Variants in PRR12 observed in about 807,000 individuals in gnomAD.
PRR12 encodes proline-rich protein 12.
In PRR12, 12 loss-of-function variants were observed where a neutral mutation model predicts 138.0. The ratio of observed to expected loss-of-function variants is 0.09; its 90% CI spans 0.06 to 0.14. The LOEUF is 0.14. Ranked by LOEUF, PRR12 falls within the 10% of genes least tolerant of loss-of-function variation. The probability of loss-of-function intolerance (pLI) is 1.00; values close to 1 mark genes in which losing one functional copy is unlikely to be tolerated. For synonymous variants in PRR12, 1,567 were observed against 1,291.7 expected (o/e 1.21, Z -4.57); for missense variants, 2,692 against 2,861.3 (o/e 0.94, Z 1.35).
chr19:49,606,727 A>G (rs559998834), intron 6 of PRR12, among the ~76,000 whole-genome samples: 2 of 144,280 alleles, frequency 1.4e-5, no homozygotes, highest in Non-Finnish European at 3.0e-5. Flanking sequence ...GCTCACTGCA[A>G]CCTCCACCTC....
intron 4 of PRR12, among the ~76,000 whole-genome samples, chr19:49,598,999 C>T (rs986051910): frequency 3.3e-5 from 5 of 152,226 alleles, no homozygotes; most frequent in Non-Finnish European, 4.4e-5. Flanking sequence ...GATGGGCATT[C>T]AGGGATCCTA....
intron 1 of PRR12, among the ~76,000 whole-genome samples, chr19:49,592,931 T>C (rs933705699): frequency 6.6e-6 from 1 of 151,754 alleles, no homozygotes; most frequent in African/African-American, 2.4e-5. Flanking sequence ...CATGTGGACC[T>C]CTGGCGTTGG....
chr19:49,598,125 G>A (rs1886303332), intron 4 of PRR12, 112 bp downstream of exon 4: 1 of 1,165,584 alleles, frequency 8.6e-7, no homozygotes, highest in Non-Finnish European at 1.1e-6. Context: ...CCAGGCTGGA[G>A]TGCAGTGGCA....
At position 49,593,443 on chromosome 19, in the gene PRR12, C is replaced by G; in HGVS notation, c.199+4C>G. On this transcript the variant is annotated splice_donor_region_variant and intron_variant, in intron 2 of 13. Transcript: ENST00000418929. ...GCCACCAACCACCACCCGGCAGGTA[C>G]GGCCCCCATCCCGCCCCGCTTTGGG... is the stretch of plus-strand genomic sequence containing the variant. The G allele has an allele frequency of 2.0e-6, 3 of 1,502,892 alleles. No individual in the cohort carries two copies. The highest frequency in any genetic ancestry group is 1.4e-5 in the African/African-American group (1 of 72,510). The allele number at this position is 1,502,892 out of a possible 1,614,324, so 93.1% of individuals were successfully genotyped here.
Position 49,615,812 on chromosome 19 carries a change from C to T in PRR12, c.5090C>T (p.Pro1697Leu). The T allele has an allele frequency of 6.2e-7, 1 of 1,612,806 alleles. No homozygotes were observed. Among genetic ancestry groups the T allele is most frequent in the Admixed American group, 1.7e-5 (1 of 59,792 alleles). ...GGSSAPPPKA[P>L]APPPKPETPE... Reference sequence around the variant, plus strand: ...AGCTCTGCACCTCCCCCTAAGGCCCCAGCACCACCTCCCAAGCCTGAGACC... The same window carrying T: ...AGCTCTGCACCTCCCCCTAAGGCCCTAGCACCACCTCCCAAGCCTGAGACC... Residue 1697 changes from proline (P) to leucine (L), a missense_variant, in exon 9 of 14, where the codon CCA (proline) becomes CTA (leucine). Physicochemically the swap from Pro to Leu is moderately conservative, Grantham distance 98. Transcript: ENST00000418929.
At chr19:49,604,525 A>G (rs1439348118) in intron 6 of PRR12, among the ~76,000 whole-genome samples, 1 of 151,964 alleles carries the variant, frequency 6.6e-6, no homozygotes, top group Non-Finnish European at 1.5e-5. Flanking sequence ...TAAAAATACA[A>G]CAATTAGCCG....
intron 9 of PRR12, among the ~76,000 whole-genome samples, chr19:49,617,055 C>T (rs982657358): frequency 2.7e-5 from 4 of 150,312 alleles, no homozygotes; most frequent in South Asian, 2.1e-4. Flanking sequence ...CACTTGAACC[C>T]GGGAGGCAGA....
intron 2 of PRR12, among the ~76,000 whole-genome samples, chr19:49,593,896 C>T (rs1028487646): frequency 2.6e-5 from 4 of 152,166 alleles, no homozygotes; most frequent in Non-Finnish European, 5.9e-5. Flanking sequence ...CCTTTGCCTC[C>T]AAGGTTTCTG....
chr19:49,591,834 G>T (rs2080729980), intron 1 of PRR12, 94 bp downstream of exon 1: 2 of 697,462 alleles, frequency 2.9e-6, no homozygotes, highest in African/African-American at 3.8e-5. Flanking sequence ...GGCGACGCGT[G>T]CATCGCAAAC....
intron 9 of PRR12, among the ~76,000 whole-genome samples, chr19:49,619,230 T>TTG (rs1397066432): frequency 4.2e-5 from 6 of 141,936 alleles, no homozygotes; most frequent in Admixed American, 2.8e-4. Flanking sequence ...GTGAGTTTTT[T>TTG]TTTTTTTTTT....
rs1450464668 is a variant in PRR12, at chr19:49,595,442, G to A, written c.1107G>A (p.Gly369=). The A allele has an allele frequency of 6.5e-7, 1 of 1,548,022 alleles. No homozygotes were observed. The highest frequency in any genetic ancestry group is 1.4e-5 in the African/African-American group (1 of 73,134). ...GGGCCACGGGCCCTGAGGCAGCAGG[G>A]GGCGGTGGGGCTGGGGGTGGTGGTG... ...SGRATGPEAA[G]GGGAGGGGGG... The change falls in exon 4 of 14, where the codon GGG becomes GGA. Residue 369 remains glycine (G), a synonymous_variant. Coordinates refer to ENST00000418929, the MANE Select transcript of PRR12 (RefSeq NM_020719.3).
At chr19:49,592,595 G>C (rs917021547) in intron 1 of PRR12, among the ~76,000 whole-genome samples, 3 of 152,028 alleles carry the variant, frequency 2.0e-5, no homozygotes, top group Non-Finnish European at 2.9e-5. Context: ...TTCCCAGCAG[G>C]GCATAACCCC....
At chr19:49,617,446 A>G (rs2080898703) in intron 9 of PRR12, among the ~76,000 whole-genome samples, 1 of 152,144 alleles carries the variant, frequency 6.6e-6, no homozygotes, top group African/African-American at 2.4e-5. Flanking sequence ...TGGGCAACAT[A>G]GTGAGACCCC....
rs1005642804 is a variant in PRR12 at position 49,606,319 on chromosome 19, T to C, written c.4773+4401T>C. 2.6e-4 allele frequency among the ~76,000 whole-genome samples: 40 copies of C among 151,252 alleles called. 1 individual carries two copies. ...GTGTCTGGACTTTTTTTTCTTCTTT[T>C]TTTTTTTTTTGAGACAGAGTCTCAG... On this transcript the variant is annotated intron_variant, in intron 6 of 13. Transcript: ENST00000418929.
chr19:49,608,153 C>T (rs982348776), intron 6 of PRR12, among the ~76,000 whole-genome samples: 9 of 152,106 alleles, frequency 5.9e-5, no homozygotes, highest in South Asian at 2.1e-4. Context: ...ACTTTGTACT[C>T]GTTGAACACA....
At chr19:49,617,575 G>A (rs1485712818) in intron 9 of PRR12, among the ~76,000 whole-genome samples, 1 of 152,190 alleles carries the variant, frequency 6.6e-6, no homozygotes, top group African/African-American at 2.4e-5. Context: ...AGGCTATGGT[G>A]AGGTATGATT....
In PRR12 at chr19:49,595,975, G is replaced by C; in HGVS notation, c.1640G>C (p.Gly547Ala). 1 of 1,600,612 alleles carries C rather than the reference G, an allele frequency of 6.2e-7. No homozygotes were observed. Among genetic ancestry groups the C allele is most frequent in the Non-Finnish European group, 8.5e-7 (1 of 1,179,654 alleles). ...HSPALSGHGG[G>A]WGPSSLGGGG... is the part of the protein sequence containing the mutation. ...CCAGCGCTCTCGGGCCATGGGGGTG[G>C]CTGGGGACCCAGCTCCCTGGGAGGC... is the stretch of plus-strand genomic sequence containing the variant. Residue 547 changes from glycine to alanine, a missense_variant, in exon 4 of 14, where the codon GGC (glycine) becomes GCC (alanine). Around this residue, in one of 11 missense-constraint regions of PRR12, gnomAD observed 523 missense variants for 496.4 expected, o/e 1.05. Transcript: ENST00000418929.
intron 5 of PRR12, among the ~76,000 whole-genome samples, chr19:49,600,694 G>A (rs535960605): frequency 4.6e-5 from 7 of 151,228 alleles, no homozygotes; most frequent in Admixed American, 2.0e-4. Flanking sequence ...ACCCTATAAC[G>A]TTCTTTTTTT....
chr19:49,594,379 G>C lies in PRR12; in HGVS notation c.200-75G>C. The C allele has an allele frequency of 2.1e-6, 3 of 1,398,490 alleles. No individual in the cohort carries two copies. The highest frequency in any genetic ancestry group is 2.9e-6 in the Non-Finnish European group (3 of 1,037,510). The allele number at this position is 1,398,490 out of a possible 1,614,324, so 86.6% of individuals were successfully genotyped here. ...CCTTTTCCTGATCCAACTTGCTTTT[G>C]GCCTCTTCCCTTTCTCTCTTGACTG... On this transcript the variant is annotated intron_variant, in intron 2 of 13. Transcript: ENST00000418929. This position sits in a 1 kb window ranked among gnomAD's most constrained non-coding sequence, Gnocchi z 5.6.
Sources: gnomAD v4.1 joint callset for allele counts (sites outside exome capture counted in the v4.1 genomes callset) on GRCh38, gnomAD v4.1.1 for gene constraint, gnomAD v4.1.1 regional missense constraint, Gnocchi (gnomAD v3.1) non-coding constraint, MANE v1.5 for transcripts, NCBI Gene and HGNC (gene_info 2026-07-23, HGNC 2026-07-21) for gene names.